Variants in HAUS7 observed in about 807,000 individuals in gnomAD.
HAUS7 encodes the protein HAUS augmin like complex subunit 7.
A neutral mutation model predicts 28.4 loss-of-function variants in HAUS7; 3 were observed. The observed-to-expected ratio is 0.11, with a 90% CI of 0.05 to 0.27. The LOEUF is 0.27. HAUS7 is among the 10% of genes least tolerant of loss of function. HAUS7 has a pLI of 1.00. For synonymous variants in HAUS7, 165 were observed against 132.1 expected (o/e 1.25, Z -1.71); for missense variants, 284 against 297.3 (o/e 0.96, Z 0.33).
chrX:153,465,339 T>C (rs1422935427), intron 2 of HAUS7, among the ~76,000 whole-genome samples: 1 of 88,277 alleles, frequency 1.1e-5, no homozygotes, highest in Non-Finnish European at 2.2e-5. Context: ...AAAAAAAAGA[T>C]GGCTGCAGCA....
intron 4 of HAUS7, among the ~76,000 whole-genome samples, chrX:153,457,911 G>A (rs1053988114): frequency 9.7e-5 from 11 of 113,422 alleles, no homozygotes; most frequent in Admixed American, 3.7e-4. Flanking sequence ...AAAGCCCCCA[G>A]CCAGGCCTAC....
At chrX:153,488,505 CTG>C (rs1260044693) in intron 1 of HAUS7, among the ~76,000 whole-genome samples, 22 of 113,090 alleles carry the variant, frequency 1.9e-4, no homozygotes, top group Non-Finnish European at 4.1e-4. Flanking sequence ...AAGCGCCAGA[CTG>C]TGGCGGGGGC....
chrX:153,465,362 G>T (rs1372500953), intron 2 of HAUS7, among the ~76,000 whole-genome samples: 1 of 107,096 alleles, frequency 9.3e-6, no homozygotes, highest in East Asian at 2.9e-4. Context: ...GGCAGAGAGG[G>T]AAGCTGCCAG....
Position 153,484,879 on chromosome X carries a change from C to T in HAUS7, c.-589+10495G>A, listed in dbSNP as rs182069370. 5.3e-5 allele frequency among the ~76,000 whole-genome samples: 6 copies of T among 112,844 alleles called. No individual in the cohort carries two copies. The East Asian group carries it at 1.7e-3, about 32-fold the overall frequency. On this transcript the variant is annotated intron_variant, in intron 1 of 5. Transcript: ENST00000370210. Reference sequence around the variant, plus strand: ...CTGGCGCCACCCATCTCTTTTCGGGCTGGTGGAAAAGGAGGGGACCGAGAG... The same window carrying T: ...CTGGCGCCACCCATCTCTTTTCGGGTTGGTGGAAAAGGAGGGGACCGAGAG...
intron 5 of HAUS7, 124 bp downstream of exon 5, chrX:153,457,013 C>T: frequency 1.9e-6 from 1 of 514,090 alleles, no homozygotes; most frequent in Non-Finnish European, 3.4e-6. Context: ...GCCAGATCCC[C>T]AAGTGGGGTG....
chrX:153,453,494 C>T (rs995409086), intron 9 of HAUS7, among the ~76,000 whole-genome samples: 1 of 111,149 alleles, frequency 9.0e-6, no homozygotes, highest in Non-Finnish European at 1.9e-5. Flanking sequence ...ACTGGCTTTA[C>T]CTTCTTTCTT....
At chrX:153,482,475 G>C in intron 1 of HAUS7, 1 of 756,181 alleles carries the variant, frequency 1.3e-6, no homozygotes. Flanking sequence ...GGCGAGTTCC[G>C]GGGGCAGGGA....
At chrX:153,459,700 C>T (rs185065611) in intron 4 of HAUS7, among the ~76,000 whole-genome samples, 187 of 112,144 alleles carry the variant, frequency 1.7e-3, no homozygotes, top group African/African-American at 5.7e-3. Context: ...TAAGGAAATA[C>T]ATATATATCC....
At chrX:153,482,368 G>A in intron 1 of HAUS7, 15 of 756,448 alleles carry the variant, frequency 2.0e-5, no homozygotes, top group South Asian at 6.7e-5. Context: ...TTGGGAACTC[G>A]CTGACCACAG....
intron 1 of HAUS7, among the ~76,000 whole-genome samples, chrX:153,479,856 C>T (rs980955389): frequency 6.3e-5 from 7 of 111,409 alleles, no homozygotes; most frequent in Admixed American, 3.8e-4. Context: ...GCAGACAGAG[C>T]GGTGCCCCCC....
intron 9 of HAUS7, among the ~76,000 whole-genome samples, chrX:153,452,824 A>T (rs782724961): frequency 1.7e-4 from 19 of 111,512 alleles, no homozygotes; most frequent in African/African-American, 5.9e-4. Context: ...CTGTACTTAA[A>T]AATACAAAAA....
At chrX:153,474,350 C>T (rs2089547912), upstream of HAUS7, among the ~76,000 whole-genome samples, 1 of 112,272 alleles carries the variant, frequency 8.9e-6, no homozygotes, top group Admixed American at 9.3e-5. Flanking sequence ...AGGCCACCAG[C>T]TCCTGCAAGA....
chrX:153,468,237 A>G (rs1487329834), intron 2 of HAUS7, among the ~76,000 whole-genome samples: 1 of 112,258 alleles, frequency 8.9e-6, no homozygotes, highest in East Asian at 2.8e-4. Flanking sequence ...TTGGCTCCCC[A>G]CTGCTCTACT....
chrX:153,461,105 G>A (rs1316468811), intron 4 of HAUS7, among the ~76,000 whole-genome samples: 1 of 109,691 alleles, frequency 9.1e-6, no homozygotes, highest in Admixed American at 9.4e-5. Flanking sequence ...TGGAAGGAAC[G>A]GCAGGCAAGA....
intron 3 of HAUS7, among the ~76,000 whole-genome samples, chrX:153,463,467 G>A (rs2089418517): frequency 8.9e-6 from 1 of 111,957 alleles, no homozygotes; most frequent in Admixed American, 9.4e-5. Flanking sequence ...GGCCAGCGCT[G>A]CCTCCTGCAC....
At chrX:153,448,862 A>ACCTGCCC (rs1423244460) in intron 9 of HAUS7, among the ~76,000 whole-genome samples, 1 of 107,354 alleles carries the variant, frequency 9.3e-6, no homozygotes, top group Non-Finnish European at 1.9e-5. Context: ...GCCCCCGCCC[A>ACCTGCCC]CCTGCCCCCT....
intron 1 of HAUS7, chrX:153,483,499 G>C: frequency 1.3e-6 from 1 of 747,683 alleles, no homozygotes. Flanking sequence ...CAGAGAGCAA[G>C]GATGGCCCAG....
rs1447112585 is a variant in HAUS7, at chrX:153,481,037, G to GTGGGGCC, written c.-588-9899_-588-9893dup. The GTGGGGCC allele has an allele frequency of 3.3e-5, 25 of 748,586 alleles. No individual in the cohort carries two copies. The East Asian group carries it at 6.1e-4, about 18-fold the overall frequency. 61.7% of individuals were successfully genotyped at this position (748,586 alleles called of 1,213,427 possible). ...ACTGGCCAGGACAGGCGGCCTTCAG[G>GTGGGGCC]TGGGGCCTGGGGCCTGCTGGGGCTG... On this transcript the variant is annotated intron_variant, in intron 1 of 5. Coordinates refer to the HAUS7 transcript ENST00000370210.
At position 153,458,556 on chromosome X, in the gene HAUS7, G is replaced by A. The variant is rs915106664; in HGVS notation, c.355-1328C>T. ...CATTAAGAATAACACTTCTATGGAC[G>A]CTCAGGTACAGGATTTTGTGTGCAT... On this transcript the variant is annotated intron_variant, in intron 4 of 9. Transcript: ENST00000370211. Among the ~76,000 whole-genome samples the A allele has an allele frequency of 2.7e-5, 3 of 112,388 alleles. No individual in the cohort carries two copies. In the Admixed American group the frequency reaches 2.8e-4, roughly 11 times the overall value.
Sources: allele counts gnomAD v4.1 joint callset (sites outside exome capture counted in the v4.1 genomes callset), GRCh38; gene constraint gnomAD v4.1.1; transcripts MANE v1.5; gene names NCBI Gene and HGNC (gene_info 2026-07-23, HGNC 2026-07-21).